Variants in MOSPD2 observed in about 807,000 individuals in gnomAD.
MOSPD2 encodes the protein motile sperm domain containing 2.
MOSPD2 carries 5 observed loss-of-function variants against 41.7 expected under a neutral mutation model. That is an observed-to-expected ratio of 0.12 (90% confidence interval 0.06 to 0.25). The LOEUF (loss-of-function observed/expected upper bound fraction) is 0.25. Ranked by LOEUF, MOSPD2 falls within the 10% of genes least tolerant of loss-of-function variation. The pLI is 1.00. For missense variants in MOSPD2, 282 were observed against 375.2 expected (o/e 0.75, Z 2.05); for synonymous variants, 115 against 126.9 (o/e 0.91, Z 0.63).
At chrX:14,899,606 A>ACACACACACACACACAC (rs1569103813) in intron 5 of MOSPD2, among the ~76,000 whole-genome samples, 1 of 105,594 alleles carries the variant, frequency 9.5e-6, no homozygotes, top group Non-Finnish European at 1.9e-5. Context: ...ACACACACAC[A>ACACACACACACACACAC]AAGGTATTAT....
rs1311363552 is a variant in MOSPD2 at position 14,920,254 on chromosome X, A to G, written c.*445A>G. ...TTACTAGCTTTTCTATACTATGTAT[A>G]TAGAAGAACATGTATATTGAGAAAG... On this transcript the variant is annotated 3_prime_UTR_variant, in exon 15 of 15. Transcript: ENST00000380492. The G allele has an allele frequency of 4.1e-6, 3 of 738,044 alleles. No individual in the cohort carries two copies. The highest frequency in any genetic ancestry group is 1.5e-4 in the East Asian group (1 of 6,565). The allele number at this position is 738,044 out of a possible 1,213,427, so 60.8% of individuals were successfully genotyped here. A position where few individuals can be genotyped will look rare whatever the true frequency, so the allele number is the denominator to read the frequency against.
intron 2 of MOSPD2, among the ~76,000 whole-genome samples, chrX:14,883,148 C>G (rs1245167061): frequency 5.5e-5 from 6 of 109,696 alleles, no homozygotes; most frequent in Non-Finnish European, 1.1e-4. Flanking sequence ...GAGCCAAGAT[C>G]GTGCCACTGA....
intron 13 of MOSPD2, among the ~76,000 whole-genome samples, chrX:14,916,765 A>C (rs993380291): frequency 1.8e-5 from 2 of 112,369 alleles, no homozygotes; most frequent in African/African-American, 6.5e-5. Context: ...CTGACATGGA[A>C]AGACATCTGT....
chrX:14,916,438 G>A, intron 13 of MOSPD2, 112 bp downstream of exon 13: 2 of 1,109,029 alleles, frequency 1.8e-6, no homozygotes, highest in Non-Finnish European at 1.2e-6. Flanking sequence ...TGGGTGCCCT[G>A]CAAGGCTCTG....
intron 7 of MOSPD2, among the ~76,000 whole-genome samples, chrX:14,904,865 C>T (rs192371053): frequency 3.0e-4 from 33 of 111,504 alleles, no homozygotes; most frequent in African/African-American, 8.5e-4. Flanking sequence ...TCTTCAGTCT[C>T]CCCCAAGGTC....
At chrX:14,894,538 G>C (rs757201386) in intron 3 of MOSPD2, among the ~76,000 whole-genome samples, 1 of 109,886 alleles carries the variant, frequency 9.1e-6, no homozygotes, top group Non-Finnish European at 1.9e-5. Flanking sequence ...GGATGGTCTC[G>C]ATCTCCTGAC....
intron 2 of MOSPD2, among the ~76,000 whole-genome samples, chrX:14,883,499 A>G (rs1452940160): frequency 8.9e-6 from 1 of 112,233 alleles, no homozygotes; most frequent in Non-Finnish European, 1.9e-5. Context: ...CTACATTTCA[A>G]TCAAAACTAG....
intron 2 of MOSPD2, among the ~76,000 whole-genome samples, chrX:14,880,106 T>A (rs1324258857): frequency 9.0e-6 from 1 of 110,574 alleles, no homozygotes; most frequent in Non-Finnish European, 1.9e-5. Context: ...TCATGGAAGT[T>A]GACATTATCA....
chrX:14,917,665 A>T (rs2092602676), intron 13 of MOSPD2, among the ~76,000 whole-genome samples: 1 of 111,635 alleles, frequency 9.0e-6, no homozygotes, highest in African/African-American at 3.3e-5. Flanking sequence ...CCTGTGAGGG[A>T]GAAAGGCATT....
chrX:14,900,481 G>T, intron 5 of MOSPD2, 94 bp from the exon 6 acceptor site: 3 of 369,876 alleles, frequency 8.1e-6, no homozygotes, highest in Admixed American at 4.6e-5. Context: ...TTTAATAATT[G>T]TCTCACTTGT....
chrX:14,881,235 CTT>C (rs543022770), intron 2 of MOSPD2, among the ~76,000 whole-genome samples: 3 of 98,694 alleles, frequency 3.0e-5, no homozygotes, highest in Admixed American at 1.1e-4. Context: ...TTATTTTGTC[CTT>C]TTTTTTTTTT....
At position 14,920,265 on chromosome X, in the gene MOSPD2, T is replaced by C. The variant is rs1415692108; in HGVS notation, c.*456T>C. The C allele has an allele frequency of 5.4e-6, 4 of 740,789 alleles. No individual in the cohort carries two copies. Among genetic ancestry groups the C allele is most frequent in the Non-Finnish European group, 6.4e-6 (4 of 628,097 alleles). 61.0% of individuals were successfully genotyped at this position (740,789 alleles called of 1,213,427 possible). ...TCTATACTATGTATATAGAAGAACA[T>C]GTATATTGAGAAAGAAAACATACTT... On this transcript the variant is annotated 3_prime_UTR_variant, in exon 15 of 15. Coordinates refer to ENST00000380492, the MANE Select transcript of MOSPD2 (RefSeq NM_152581.4).
At chrX:14,888,842 T>C (rs773170440) in intron 2 of MOSPD2, among the ~76,000 whole-genome samples, 41 of 111,029 alleles carry the variant, frequency 3.7e-4, no homozygotes, top group South Asian at 3.0e-3. Context: ...TGTACATCTT[T>C]AGCATCTTTC....
chrX:14,892,010 T>C (rs907289507), intron 2 of MOSPD2, among the ~76,000 whole-genome samples: 3 of 112,286 alleles, frequency 2.7e-5, no homozygotes, highest in Non-Finnish European at 5.6e-5. Flanking sequence ...TTCCCAGATG[T>C]TGGTGTATAG....
At chrX:14,881,861 A>T (rs982453906) in intron 2 of MOSPD2, among the ~76,000 whole-genome samples, 2 of 111,587 alleles carry the variant, frequency 1.8e-5, no homozygotes, top group African/African-American at 6.5e-5. Flanking sequence ...TATCCTTTGT[A>T]GGGACATGGA....
intron 2 of MOSPD2, among the ~76,000 whole-genome samples, chrX:14,875,518 C>T (rs1458475132): frequency 1.8e-5 from 2 of 112,001 alleles, no homozygotes. Flanking sequence ...AGCAAAATTT[C>T]ATTAAAGAAT....
At chrX:14,904,289 C>G (rs2092578063) in intron 7 of MOSPD2, among the ~76,000 whole-genome samples, 2 of 111,923 alleles carry the variant, frequency 1.8e-5, no homozygotes, top group African/African-American at 6.5e-5. Context: ...AAGGATTATA[C>G]ACCATGACCA....
Position 14,873,476 on chromosome X carries a change from C to T in MOSPD2, c.-53C>T. ...GCCGGGTGATGAGATACTCGGTCGG[C>T]GACGGTAGAACGGGCGACGGCGACA... On this transcript the variant is annotated 5_prime_UTR_variant, in exon 1 of 15. Coordinates refer to ENST00000380492, the MANE Select transcript of MOSPD2 (RefSeq NM_152581.4). 1.7e-6 allele frequency: 2 copies of T among 1,210,542 alleles called. No individual in the cohort carries two copies. The highest frequency in any genetic ancestry group is 4.3e-5 in the Admixed American group (2 of 46,080).
intron 7 of MOSPD2, among the ~76,000 whole-genome samples, chrX:14,906,567 A>AACAG (rs200496394): frequency 1.3e-4 from 15 of 111,635 alleles, no homozygotes; most frequent in African/African-American, 4.6e-4. Context: ...CAACAAAATA[A>AACAG]ACAGATAACA....
Sources: gnomAD v4.1 joint callset for allele counts (sites outside exome capture counted in the v4.1 genomes callset) on GRCh38, gnomAD v4.1.1 for gene constraint, MANE v1.5 for transcripts, NCBI Gene and HGNC (gene_info 2026-07-23, HGNC 2026-07-21) for gene names.